TNNI3K: variants seen among roughly 807,000 people sequenced by gnomAD.
TNNI3K encodes serine/threonine-protein kinase TNNI3K.
TNNI3K carries 140 observed loss-of-function variants against 114.5 expected under a neutral mutation model. The ratio of observed to expected loss-of-function variants is 1.22; its 90% CI spans 1.07 to 1.41. The LOEUF (loss-of-function observed/expected upper bound fraction) is 1.41, where lower values mean the gene tolerates loss of function less well. TNNI3K is among the 40% of genes most tolerant of loss of function. The probability of loss-of-function intolerance (pLI) is 0.00; values close to 1 mark genes in which losing one functional copy is unlikely to be tolerated. For missense variants in TNNI3K, 1,125 were observed against 1,007.6 expected (o/e 1.12, Z -1.58); for synonymous variants, 347 against 347.5 (o/e 1.00, Z 0.02).
intron 19 of TNNI3K, among the ~76,000 whole-genome samples, chr1:74,438,606 G>C (rs1666238713): frequency 6.6e-6 from 1 of 152,064 alleles, no homozygotes; most frequent in Non-Finnish European, 1.5e-5. Context: ...ACCCAGAGCT[G>C]TTCAGTAAGT....
At chr1:74,473,267 G>A (rs1043866387) in intron 21 of TNNI3K, among the ~76,000 whole-genome samples, 1 of 151,826 alleles carries the variant, frequency 6.6e-6, no homozygotes, top group East Asian at 1.9e-4. Flanking sequence ...CTTTAAAGAA[G>A]TTGAATGCTT....
Position 74,369,533 on chromosome 1 carries a change from A to T in TNNI3K, c.1615A>T (p.Thr539Ser). ...TGATCCCAGCCAGTTTGCCATTGTCACTCAATACATATCAGGGGGTTCTCT... is the reference window on the plus strand; with the variant it reads ...TGATCCCAGCCAGTTTGCCATTGTCTCTCAATACATATCAGGGGGTTCTCT... ...LNDPSQFAIVTQYISGGSLFS... is the reference protein window; with the variant it reads ...LNDPSQFAIVSQYISGGSLFS... The change falls in exon 16 of 25, where the codon ACT becomes TCT. Residue 539 changes from threonine to serine, a missense_variant. By Grantham distance (58) the Thr-to-Ser change is moderately conservative (BLOSUM62 1). Transcript: ENST00000326637. The T allele has an allele frequency of 6.2e-7, 1 of 1,612,536 alleles. No homozygotes were observed. The highest frequency in any genetic ancestry group is 1.1e-5 in the South Asian group (1 of 91,012).
Position 74,354,082 on chromosome 1 carries a change from G to A in TNNI3K, c.1130G>A (p.Ser377Asn), listed in dbSNP as rs1010324515. 6.2e-7 allele frequency: 1 copy of A among 1,614,080 alleles called. No individual in the cohort carries two copies. The highest frequency in any genetic ancestry group is 8.5e-7 in the Non-Finnish European group (1 of 1,180,000). The change falls in exon 11 of 25, where the codon AGT becomes AAT. Residue 377 changes from serine to asparagine, a missense_variant. Physicochemically the swap from Ser to Asn is conservative, Grantham distance 46. Coordinates refer to ENST00000326637, the MANE Select transcript of TNNI3K (RefSeq NM_015978.3). ...GTGGCTTGTGATCCCAGCAGGTCTAGTGGTGAAAAAGATGAGCAGACATGT... is the reference window on the plus strand; with the variant it reads ...GTGGCTTGTGATCCCAGCAGGTCTAATGGTGAAAAAGATGAGCAGACATGT... ...NLVACDPSRS[S>N]GEKDEQTCLM...
At chr1:74,467,134 A>G (rs1417780055) in intron 21 of TNNI3K, among the ~76,000 whole-genome samples, 2 of 152,192 alleles carry the variant, frequency 1.3e-5, no homozygotes, top group Non-Finnish European at 2.9e-5. Flanking sequence ...TGAGAAAGAA[A>G]AACAGTCTAA....
chr1:74,429,045 C>A (rs546992360), intron 17 of TNNI3K, among the ~76,000 whole-genome samples: 3 of 152,142 alleles, frequency 2.0e-5, no homozygotes, highest in African/African-American at 7.2e-5. Flanking sequence ...ATCTGCAGCC[C>A]AAATTGTGAA....
chr1:74,498,986 TACAC>T (rs1263635984), intron 23 of TNNI3K, among the ~76,000 whole-genome samples: 1 of 152,208 alleles, frequency 6.6e-6, no homozygotes, highest in Non-Finnish European at 1.5e-5. Flanking sequence ...TTCTGATAAA[TACAC>T]CAATTATTGA....
At chr1:74,239,469 CATTT>C (rs973268264) in intron 2 of TNNI3K, among the ~76,000 whole-genome samples, 1 of 152,028 alleles carries the variant, frequency 6.6e-6, no homozygotes, top group African/African-American at 2.4e-5. Flanking sequence ...CACCCTTATT[CATTT>C]GTCTTATAAA....
intron 7 of TNNI3K, among the ~76,000 whole-genome samples, chr1:74,337,344 C>G (rs1660526624): frequency 6.6e-6 from 1 of 151,194 alleles, no homozygotes; most frequent in African/African-American, 2.4e-5. Context: ...TGCAGAAGCT[C>G]TTTAGTTTAA....
intron 21 of TNNI3K, among the ~76,000 whole-genome samples, chr1:74,481,697 A>G (rs1189562292): frequency 6.6e-6 from 1 of 152,166 alleles, no homozygotes; most frequent in African/African-American, 2.4e-5. Flanking sequence ...CACCATAATC[A>G]CCTCAGAGCT....
At position 74,249,548 on chromosome 1, in the gene TNNI3K, A is replaced by G; in HGVS notation, c.235+4A>G. 2 of 1,613,146 alleles carry G rather than the reference A, an allele frequency of 1.2e-6. No individual in the cohort carries two copies. The highest frequency in any genetic ancestry group is 1.7e-6 in the Non-Finnish European group (2 of 1,179,590). On this transcript the variant is annotated splice_donor_region_variant and intron_variant, in intron 3 of 24. Transcript: ENST00000326637. ...CATTTATGTTGCATTTGTGGAGGTG[A>G]GTACTTGAAACTTAGTACTTCTTAA...
intron 5 of TNNI3K, among the ~76,000 whole-genome samples, chr1:74,284,122 A>G (rs1657181079): frequency 6.6e-6 from 1 of 152,130 alleles, no homozygotes; most frequent in Non-Finnish European, 1.5e-5. Context: ...TGTAATAATA[A>G]TATTTTCTAT....
chr1:74,277,621 T>G (rs1656762747), intron 5 of TNNI3K, among the ~76,000 whole-genome samples: 1 of 152,096 alleles, frequency 6.6e-6, no homozygotes, highest in Non-Finnish European at 1.5e-5. Context: ...CTTAAATAAC[T>G]CCTTAAAAAG....
intron 2 of TNNI3K, among the ~76,000 whole-genome samples, chr1:74,248,093 C>T (rs905501112): frequency 2.9e-4 from 44 of 152,244 alleles, no homozygotes; most frequent in South Asian, 6.2e-4. Context: ...TCAAGTGCAG[C>T]GCAGGTGGGC....
intron 17 of TNNI3K, among the ~76,000 whole-genome samples, chr1:74,420,997 A>T (rs1665367900): frequency 6.6e-6 from 1 of 152,156 alleles, no homozygotes; most frequent in Non-Finnish European, 1.5e-5. Context: ...GCAGCATGAT[A>T]TAAATAACTC....
At chr1:74,485,917 T>G (rs1668734701) in intron 21 of TNNI3K, among the ~76,000 whole-genome samples, 1 of 152,110 alleles carries the variant, frequency 6.6e-6, no homozygotes, top group Admixed American at 6.6e-5. Context: ...GCCTTGAGCC[T>G]CAGATGAGAA....
intron 24 of TNNI3K, among the ~76,000 whole-genome samples, chr1:74,542,957 A>G (rs2100469589): frequency 1.3e-5 from 2 of 152,210 alleles, no homozygotes; most frequent in Middle Eastern, 6.8e-3. Context: ...TAGACCTAAG[A>G]ATTTTATGTA....
At chr1:74,483,640 A>G (rs1668608324) in intron 21 of TNNI3K, among the ~76,000 whole-genome samples, 1 of 152,250 alleles carries the variant, frequency 6.6e-6, no homozygotes, top group South Asian at 2.1e-4. Context: ...TTACTTTGCA[A>G]AACAATGTAT....
intron 11 of TNNI3K, among the ~76,000 whole-genome samples, chr1:74,365,223 C>T (rs753603188): frequency 2.0e-5 from 3 of 152,024 alleles, no homozygotes; most frequent in African/African-American, 4.8e-5. Flanking sequence ...CTGTAGATGA[C>T]GATCTTTTTA....
intron 17 of TNNI3K, among the ~76,000 whole-genome samples, chr1:74,415,727 A>C (rs1166960205): frequency 6.7e-6 from 1 of 148,994 alleles, no homozygotes; most frequent in Non-Finnish European, 1.5e-5. Flanking sequence ...ATATAGACTA[A>C]ATTTTCTTTG....
Sources: gnomAD v4.1 joint callset for allele counts (sites outside exome capture counted in the v4.1 genomes callset) on GRCh38, gnomAD v4.1.1 for gene constraint, MANE v1.5 for transcripts, NCBI Gene and HGNC (gene_info 2026-07-23, HGNC 2026-07-21) for gene names.